Variants in C5orf22 observed in about 807,000 individuals in gnomAD.
The protein encoded by C5orf22 is chromosome 5 open reading frame 22, also known as UPF0489 protein C5orf22.
Under a neutral mutation model 48.7 loss-of-function variants are expected in C5orf22, and 36 were observed. The ratio of observed to expected loss-of-function variants is 0.74; its 90% confidence interval spans 0.57 to 0.98. C5orf22 has a LOEUF of 0.98. Ranked by LOEUF, C5orf22 falls within the 50% of genes least tolerant of loss-of-function variation. The probability of loss-of-function intolerance (pLI) is 0.00; values close to 1 mark genes in which losing one functional copy is unlikely to be tolerated. For missense variants in C5orf22, 486 were observed against 521.9 expected (o/e 0.93, Z 0.67); for synonymous variants, 141 against 180.8 (o/e 0.78, Z 1.76).
intron 7 of C5orf22, among the ~76,000 whole-genome samples, chr5:31,547,433 A>G (rs1742966191): frequency 6.6e-6 from 1 of 152,324 alleles, no homozygotes; most frequent in East Asian, 1.9e-4. Flanking sequence ...CAGTGCCCCT[A>G]GGGACTCTCA....
At chr5:31,536,364 C>T (rs980912059) in intron 3 of C5orf22, among the ~76,000 whole-genome samples, 1 of 152,100 alleles carries the variant, frequency 6.6e-6, no homozygotes, top group Non-Finnish European at 1.5e-5. Flanking sequence ...ACTAAAAATA[C>T]AAAAACAAAT....
In C5orf22 at chr5:31,535,780, T is replaced by A. The variant is rs1467263416; in HGVS notation, c.264T>A (p.Val88=). The A allele has an allele frequency of 1.2e-6, 2 of 1,612,430 alleles. 1 individual carries two copies. Residue 88 remains valine (V), a synonymous_variant, in exon 3 of 9, where the codon GTT becomes GTA. Transcript: ENST00000325366. ...LSIENWIMPA[V]YAGHFSHVIW... ...TTGAAAATTGGATTATGCCTGCAGT[T>A]TATGCTGGCCATTTTTCACATGTAA... is the stretch of plus-strand genomic sequence containing the variant.
intron 5 of C5orf22, 93 bp downstream of exon 5, chr5:31,541,104 AAGTGTG>A: frequency 4.0e-5 from 39 of 981,416 alleles, no homozygotes; most frequent in Middle Eastern, 2.9e-4. Flanking sequence ...AGACTGCTCA[AAGTGTG>A]TGTGTGTGTG....
intron 7 of C5orf22, 87 bp downstream of exon 7, chr5:31,545,799 C>G: frequency 3.5e-6 from 3 of 855,214 alleles, no homozygotes; most frequent in Non-Finnish European, 5.6e-6. Context: ...TAAAGTGGTT[C>G]GTTTTTGTTT....
intron 7 of C5orf22, chr5:31,548,657 G>A (rs1198152403): frequency 2.6e-6 from 1 of 389,506 alleles, no homozygotes. Context: ...TCCAACCTCT[G>A]CCAGTTCCAA....
At chr5:31,548,533 G>C in intron 7 of C5orf22, 1 of 448,542 alleles carries the variant, frequency 2.2e-6, no homozygotes. Context: ...ACCTCAGCCT[G>C]GATTTCATTG....
rs535833756 is a variant in C5orf22, at chr5:31,532,453, G to C, written c.61G>C (p.Val21Leu). The C allele has an allele frequency of 1.9e-6, 3 of 1,613,972 alleles. No individual in the cohort carries two copies. Among genetic ancestry groups the C allele is most frequent in the East Asian group, 4.5e-5 (2 of 44,842 alleles). ...GCGTTACCCCAAGCTCCCAGTGTGG[G>C]TGGTGGAGGATCATCAGGAGGTGAG... is the stretch of plus-strand genomic sequence containing the variant. ...LRRYPKLPVW[V>L]VEDHQEVLPF... Residue 21 changes from valine (V) to leucine (L), a missense_variant, in exon 1 of 9, where the codon GTG (valine) becomes CTG (leucine). Val to Leu is a conservative substitution (Grantham distance 32, BLOSUM62 1). Coordinates refer to ENST00000325366, the MANE Select transcript of C5orf22 (RefSeq NM_018356.3).
Position 31,538,536 on chromosome 5 carries a change from A to G in C5orf22, c.654A>G (p.Pro218=), listed in dbSNP as rs1291974196. ...GAAGTGACCAGACTTGCCTAGAACC[A>G]TCATGTTCATGTTCTTCTGAAAATC... ...TQRSDQTCLE[P]SCSCSSENQE... Residue 218 remains proline (P), a synonymous_variant, in exon 4 of 9, where the codon CCA becomes CCG. Transcript: ENST00000325366. 2 of 1,614,146 alleles carry G rather than the reference A, an allele frequency of 1.2e-6. No homozygotes were observed. Among genetic ancestry groups the G allele is most frequent in the Non-Finnish European group, 8.5e-7 (1 of 1,179,992 alleles).
intron 6 of C5orf22, among the ~76,000 whole-genome samples, chr5:31,542,392 GGAGCTTGCAGTGAGCC>G (rs1363659000): frequency 2.0e-5 from 3 of 150,776 alleles, no homozygotes; most frequent in Non-Finnish European, 4.4e-5. Context: ...TCCGGGAGGC[GGAGCTTGCAGTGAGCC>G]GAGATTGCAT....
chr5:31,548,460 A>G (rs1743033319), intron 7 of C5orf22: 1 of 369,384 alleles, frequency 2.7e-6, no homozygotes, highest in Admixed American at 3.1e-5. Context: ...TCTCTTTGCT[A>G]AAATATAACA....
intron 5 of C5orf22, 106 bp downstream of exon 5, chr5:31,541,117 T>C: frequency 1.2e-6 from 1 of 810,028 alleles, no homozygotes; most frequent in Non-Finnish European, 2.0e-6. Flanking sequence ...TGTGTGTGTG[T>C]GTGTGTGTGT....
chr5:31,535,516 C>T (rs1185730685), intron 2 of C5orf22, among the ~76,000 whole-genome samples: 1 of 152,168 alleles, frequency 6.6e-6, no homozygotes, highest in African/African-American at 2.4e-5. Flanking sequence ...ATCAACCCAC[C>T]AGTGCCTTTG....
intron 4 of C5orf22, among the ~76,000 whole-genome samples, chr5:31,538,983 G>T (rs1022623956): frequency 3.9e-5 from 6 of 152,090 alleles, no homozygotes; most frequent in African/African-American, 1.2e-4. Context: ...ATGGGTGATG[G>T]ATAAAAATTA....
chr5:31,545,063 ATT>A (rs533850892), intron 6 of C5orf22, among the ~76,000 whole-genome samples: 4 of 142,024 alleles, frequency 2.8e-5, no homozygotes, highest in African/African-American at 2.6e-5. Flanking sequence ...AATCAAAATA[ATT>A]TTTTTTTTTT....
In C5orf22 at chr5:31,545,627, T is replaced by C; in HGVS notation, c.993-19T>C. 2 of 1,595,738 alleles carry C rather than the reference T, an allele frequency of 1.3e-6. No individual in the cohort carries two copies. The highest frequency in any genetic ancestry group is 2.2e-5 in the South Asian group (2 of 90,198). On this transcript the variant is annotated intron_variant, in intron 6 of 8. Transcript: ENST00000325366. ...GTGGTGGTTGTGATGTTTAATTGAG[T>C]GGGATGGCTTTTTTCCAGAATGGAA...
At chr5:31,549,561 T>C (rs769502518) in intron 7 of C5orf22, among the ~76,000 whole-genome samples, 34 of 152,104 alleles carry the variant, frequency 2.2e-4, no homozygotes, top group Non-Finnish European at 4.4e-4. Flanking sequence ...AAGAAGATCG[T>C]TATAAGATAC....
chr5:31,546,906 C>T (rs1017144183), intron 7 of C5orf22, among the ~76,000 whole-genome samples: 3 of 152,158 alleles, frequency 2.0e-5, no homozygotes, highest in African/African-American at 7.2e-5. Context: ...CTCCTGTTCT[C>T]GAATTTCAAA....
At chr5:31,538,965 A>G (rs1742282581) in intron 4 of C5orf22, among the ~76,000 whole-genome samples, 1 of 152,184 alleles carries the variant, frequency 6.6e-6, no homozygotes, top group South Asian at 2.1e-4. Flanking sequence ...AATTGGGGTA[A>G]TGTATACATG....
At position 31,540,976 on chromosome 5, in the gene C5orf22, T is replaced by C; in HGVS notation, c.835T>C (p.Tyr279His). The stretch of plus-strand genomic sequence containing the variant: ...AGAGTACAAAATCTTACAAGAGCTG[T>C]ACCAATTTAAGAAACCTGGCACCAA... ...QEEYKILQEL[Y>H]QFKKPGTNLT... Residue 279 changes from tyrosine (Y) to histidine (H), a missense_variant, in exon 5 of 9, where the codon TAC becomes CAC. This residue lies in a region of C5orf22 where 408 missense variants were observed against 444.0 expected (regional missense o/e 0.92). Coordinates refer to ENST00000325366, the MANE Select transcript of C5orf22 (RefSeq NM_018356.3). 6.2e-7 allele frequency: 1 copy of C among 1,613,052 alleles called. No homozygotes were observed. Among genetic ancestry groups the C allele is most frequent in the Non-Finnish European group, 8.5e-7 (1 of 1,179,290 alleles).
Sources: gnomAD v4.1 joint callset for allele counts (sites outside exome capture counted in the v4.1 genomes callset) on GRCh38, gnomAD v4.1.1 for gene constraint, gnomAD v4.1.1 regional missense constraint, MANE v1.5 for transcripts, NCBI Gene and HGNC (gene_info 2026-07-23, HGNC 2026-07-21) for gene names.